FOXN3: variants seen among roughly 807,000 people sequenced by gnomAD.
The protein encoded by FOXN3 is forkhead box N3, also known as forkhead box protein N3.
A neutral mutation model predicts 38.4 loss-of-function variants in FOXN3; 7 were observed. The ratio of observed to expected loss-of-function variants is 0.18; its 90% CI spans 0.10 to 0.34. The LOEUF (loss-of-function observed/expected upper bound fraction) is 0.34, where lower values mean the gene tolerates loss of function less well. FOXN3 is among the 10% of genes least tolerant of loss of function. The pLI is 1.00. For missense variants in FOXN3, 456 were observed against 613.4 expected (o/e 0.74, Z 2.71); for synonymous variants, 230 against 242.2 (o/e 0.95, Z 0.47).
chr14:89,363,963 T>TATATATATATA (rs1566968896), intron 2 of FOXN3, among the ~76,000 whole-genome samples: 6 of 27,098 alleles, frequency 2.2e-4, no homozygotes, highest in South Asian at 6.6e-4. Flanking sequence ...TATATATATA[T>TATATATATATA]ATATATATAT....
intron 1 of FOXN3, among the ~76,000 whole-genome samples, chr14:89,491,516 G>C (rs1199005205): frequency 6.6e-6 from 1 of 152,116 alleles, no homozygotes; most frequent in African/African-American, 2.4e-5. Context: ...CAGAATTCAG[G>C]ACCCATGGAC....
chr14:89,200,773 C>G (rs1169468305), intron 4 of FOXN3, among the ~76,000 whole-genome samples: 3 of 152,208 alleles, frequency 2.0e-5, no homozygotes, highest in Admixed American at 6.5e-5. Flanking sequence ...TTTGACAAGA[C>G]ACTGCCATCC....
chr14:89,222,013 G>A (rs1046722323), intron 4 of FOXN3, among the ~76,000 whole-genome samples: 3 of 152,114 alleles, frequency 2.0e-5, no homozygotes, highest in South Asian at 2.1e-4. Context: ...TAGTAGAGAC[G>A]GGGTTTCACC....
At chr14:89,421,469 T>C (rs1394855907), upstream of FOXN3, among the ~76,000 whole-genome samples, 3 of 150,298 alleles carry the variant, frequency 2.0e-5, no homozygotes, top group Admixed American at 1.3e-4. Flanking sequence ...TGAGAATTCA[T>C]GTGAAATCGT....
chr14:89,541,432 C>G (rs576527219), intron 1 of FOXN3, among the ~76,000 whole-genome samples: 4 of 152,190 alleles, frequency 2.6e-5, no homozygotes, highest in Admixed American at 6.5e-5. Flanking sequence ...ATGGCCACCA[C>G]AGGGACCTCT....
chr14:89,598,382 A>G (rs1453293661), intron 1 of FOXN3, among the ~76,000 whole-genome samples: 2 of 152,158 alleles, frequency 1.3e-5, no homozygotes, highest in Non-Finnish European at 2.9e-5. Flanking sequence ...TTCTGTCCCA[A>G]GGATACTCTT....
chr14:89,263,140 AC>A (rs1885862003), intron 4 of FOXN3, among the ~76,000 whole-genome samples: 1 of 152,256 alleles, frequency 6.6e-6, no homozygotes, highest in South Asian at 2.1e-4. Flanking sequence ...CAATTACTTC[AC>A]CGACATATTT....
chr14:89,431,372 G>A (rs990453900), intron 1 of FOXN3, among the ~76,000 whole-genome samples: 7 of 151,738 alleles, frequency 4.6e-5, no homozygotes, highest in Admixed American at 2.0e-4. Flanking sequence ...CACCACACCC[G>A]GCTAATTTTT....
At chr14:89,333,984 A>ATATATATC (rs1566959308) in intron 3 of FOXN3, among the ~76,000 whole-genome samples, 5 of 21,496 alleles carry the variant, frequency 2.3e-4, no homozygotes, top group Admixed American at 6.8e-4. Context: ...ATATATATAT[A>ATATATATC]TATATATATA....
chr14:89,456,093 C>T (rs954448984), intron 1 of FOXN3, among the ~76,000 whole-genome samples: 1 of 149,466 alleles, frequency 6.7e-6, no homozygotes, highest in African/African-American at 2.5e-5. Context: ...ACTCAGGAGG[C>T]TGAGGCAGGA....
intron 4 of FOXN3, among the ~76,000 whole-genome samples, chr14:89,255,821 T>A (rs542078940): frequency 6.6e-6 from 1 of 152,076 alleles, no homozygotes; most frequent in African/African-American, 2.4e-5. Context: ...TTCATGACTG[T>A]CCTCAAGAAA....
At chr14:89,604,206 AACACACACAC>A (rs58288291) in intron 1 of FOXN3, among the ~76,000 whole-genome samples, 1,965 of 146,884 alleles carry the variant, frequency 0.013, 21 homozygotes, top group African/African-American at 0.035. Context: ...AGCAAAACAA[AACACACACAC>A]ACACACACAC....
At chr14:89,203,005 G>A (rs1888274181) in intron 4 of FOXN3, among the ~76,000 whole-genome samples, 1 of 142,180 alleles carries the variant, frequency 7.0e-6, no homozygotes, top group Non-Finnish European at 1.5e-5. Flanking sequence ...CCACAGCCAG[G>A]AGTGACCCAC....
chr14:89,565,131 C>G (rs557032895), intron 1 of FOXN3, among the ~76,000 whole-genome samples: 35 of 146,898 alleles, frequency 2.4e-4, no homozygotes, highest in Non-Finnish European at 4.2e-4. Flanking sequence ...AGAAGAGATA[C>G]CAACAGAGAG....
At chr14:89,585,391 TTGTTGTTTTTAA>T (rs1387751742) in intron 1 of FOXN3, among the ~76,000 whole-genome samples, 2 of 152,224 alleles carry the variant, frequency 1.3e-5, no homozygotes, top group Admixed American at 1.3e-4. Flanking sequence ...TACTTATTTG[TTGTTGTTTTTAA>T]TAAGAAAAGT....
At chr14:89,460,538 T>C (rs1411566552) in intron 1 of FOXN3, among the ~76,000 whole-genome samples, 1 of 152,184 alleles carries the variant, frequency 6.6e-6, no homozygotes, top group Admixed American at 6.5e-5. Flanking sequence ...AGGAGGAACG[T>C]TAGCCTGCAT....
At chr14:89,334,275 C>T (rs946113789) in intron 3 of FOXN3, among the ~76,000 whole-genome samples, 6 of 150,996 alleles carry the variant, frequency 4.0e-5, no homozygotes, top group African/African-American at 7.3e-5. Flanking sequence ...CTGGGGGAAA[C>T]GAGATGATGT....
intron 1 of FOXN3, among the ~76,000 whole-genome samples, chr14:89,592,154 T>C (rs896343849): frequency 1.6e-4 from 25 of 152,028 alleles, no homozygotes; most frequent in African/African-American, 4.3e-4. Context: ...GTGATGGAAA[T>C]TATCCAGAAA....
chr14:89,540,719 C>G (rs1332149343), intron 1 of FOXN3, among the ~76,000 whole-genome samples: 2 of 137,288 alleles, frequency 1.5e-5, no homozygotes, highest in Non-Finnish European at 3.1e-5. Flanking sequence ...GCCTGGGTAA[C>G]ACAGTGAGAC....
Sources: gnomAD v4.1 joint callset for allele counts (sites outside exome capture counted in the v4.1 genomes callset) on GRCh38, gnomAD v4.1.1 for gene constraint, MANE v1.5 for transcripts, NCBI Gene and HGNC (gene_info 2026-07-23, HGNC 2026-07-21) for gene names.